EXOC6: variants seen among roughly 807,000 people sequenced by gnomAD.
EXOC6 encodes exocyst complex component 6, also known as SEC15-like 1.
Under a neutral mutation model 112.5 loss-of-function variants are expected in EXOC6, and 60 were observed. The ratio of observed to expected loss-of-function variants is 0.53; its 90% CI spans 0.43 to 0.66. The LOEUF (loss-of-function observed/expected upper bound fraction) is 0.66, where lower values mean the gene tolerates loss of function less well. EXOC6 is among the 30% of genes least tolerant of loss of function. The probability of loss-of-function intolerance (pLI) is 0.00; values close to 1 mark genes in which losing one functional copy is unlikely to be tolerated. For missense variants in EXOC6, 855 were observed against 957.1 expected (o/e 0.89, Z 1.41); for synonymous variants, 295 against 308.0 (o/e 0.96, Z 0.44).
chr10:92,903,418 A>G (rs1334141588), intron 5 of EXOC6, among the ~76,000 whole-genome samples: 1 of 151,250 alleles, frequency 6.6e-6, no homozygotes, highest in Non-Finnish European at 1.5e-5. Flanking sequence ...TAGAAAAATC[A>G]TGGGTTTAGA....
At chr10:92,835,099 A>G (rs569480290) in intron 1 of EXOC6, among the ~76,000 whole-genome samples, 12 of 152,344 alleles carry the variant, frequency 7.9e-5, no homozygotes, top group African/African-American at 2.4e-4. Context: ...AAATAAATTT[A>G]TATGAGGTTT....
At chr10:93,023,236 A>G (rs1844867686) in intron 20 of EXOC6, among the ~76,000 whole-genome samples, 1 of 152,104 alleles carries the variant, frequency 6.6e-6, no homozygotes, top group Admixed American at 6.6e-5. Context: ...AACTCCTGAT[A>G]TTTGCTGTTC....
chr10:93,031,596 T>C (rs892475364), intron 20 of EXOC6, among the ~76,000 whole-genome samples: 2 of 139,944 alleles, frequency 1.4e-5, no homozygotes, highest in African/African-American at 5.2e-5. Context: ...CACTGCAACC[T>C]CCGCCTCCCA....
At chr10:93,045,909 T>C (rs1037659288) in intron 20 of EXOC6, among the ~76,000 whole-genome samples, 1 of 152,232 alleles carries the variant, frequency 6.6e-6, no homozygotes, top group African/African-American at 2.4e-5. Context: ...TTTTAGTACG[T>C]CCTATGGCAC....
intron 17 of EXOC6, among the ~76,000 whole-genome samples, chr10:92,970,374 A>G (rs541102151): frequency 2.6e-5 from 4 of 152,360 alleles, no homozygotes; most frequent in Admixed American, 2.0e-4. Context: ...AGTAATCAAG[A>G]GATTGTTTAA....
intron 14 of EXOC6, among the ~76,000 whole-genome samples, chr10:92,948,648 C>G (rs1410302498): frequency 1.3e-5 from 2 of 150,428 alleles, no homozygotes; most frequent in Admixed American, 6.6e-5. Context: ...TAAGAAGAGA[C>G]TTTCCTGGGC....
chr10:92,902,946 C>T (rs1850255439), intron 5 of EXOC6, among the ~76,000 whole-genome samples: 1 of 151,952 alleles, frequency 6.6e-6, no homozygotes, highest in African/African-American at 2.4e-5. Context: ...CCATTAGTTG[C>T]TATTTGGGTG....
intron 20 of EXOC6, among the ~76,000 whole-genome samples, chr10:93,019,504 T>C (rs1220988943): frequency 6.6e-6 from 1 of 152,184 alleles, no homozygotes; most frequent in African/African-American, 2.4e-5. Flanking sequence ...AATCTAATTA[T>C]TTACATAAGT....
At chr10:93,042,942 TATTATTA>T (rs1845848414) in intron 20 of EXOC6, among the ~76,000 whole-genome samples, 1 of 143,862 alleles carries the variant, frequency 7.0e-6, no homozygotes, top group Admixed American at 7.2e-5. Flanking sequence ...TTATTATTAT[TATTATTA>T]TTATTATTAT....
At chr10:93,021,943 C>T (rs1442687116) in intron 20 of EXOC6, among the ~76,000 whole-genome samples, 7 of 152,048 alleles carry the variant, frequency 4.6e-5, no homozygotes, top group Admixed American at 2.6e-4. Context: ...GTGAGTAGGA[C>T]CACATAGTTT....
At chr10:92,880,486 T>C (rs1848904757) in intron 1 of EXOC6, among the ~76,000 whole-genome samples, 1 of 152,200 alleles carries the variant, frequency 6.6e-6, no homozygotes, top group Admixed American at 6.5e-5. Flanking sequence ...GAGCCTGTTC[T>C]TTTTATTAAG....
chr10:92,859,334 G>A (rs536228666), intron 1 of EXOC6, among the ~76,000 whole-genome samples: 17 of 152,224 alleles, frequency 1.1e-4, no homozygotes, highest in Non-Finnish European at 1.3e-4. Context: ...TGGCATATAC[G>A]CTGTCACCCT....
intron 1 of EXOC6, among the ~76,000 whole-genome samples, chr10:92,858,493 A>G (rs1291064438): frequency 6.6e-6 from 1 of 151,490 alleles, no homozygotes; most frequent in African/African-American, 2.4e-5. Context: ...TGTCTTGTAT[A>G]TTCACTGATT....
intron 20 of EXOC6, 149 bp from the exon 21 acceptor site, chr10:93,056,773 TAC>T: frequency 5.1e-6 from 3 of 589,420 alleles, no homozygotes; most frequent in Non-Finnish European, 9.0e-6. Flanking sequence ...GATTGTAAAG[TAC>T]AGTTAATGAA....
intron 17 of EXOC6, among the ~76,000 whole-genome samples, chr10:92,956,927 C>G (rs1012397057): frequency 1.1e-4 from 16 of 151,996 alleles, no homozygotes; most frequent in African/African-American, 3.9e-4. Context: ...AGATACTTAG[C>G]CCAGAGCCAT....
intron 14 of EXOC6, among the ~76,000 whole-genome samples, 194 bp downstream of exon 14, chr10:92,948,573 C>CACTACTACTACTACTACCACTACT (rs1853185884): frequency 7.1e-6 from 1 of 140,174 alleles, no homozygotes; most frequent in Admixed American, 7.4e-5. Context: ...CTACTACTAC[C>CACTACTACTACTACTACCACTACT]ACTACTACTA....
At chr10:93,023,215 C>T (rs971949911) in intron 20 of EXOC6, among the ~76,000 whole-genome samples, 1 of 151,956 alleles carries the variant, frequency 6.6e-6, no homozygotes, top group Non-Finnish European at 1.5e-5. Flanking sequence ...CCGGACTTTG[C>T]CCTGAGGTCA....
chr10:92,894,394 A>G (rs1849652214), intron 2 of EXOC6, among the ~76,000 whole-genome samples: 1 of 152,206 alleles, frequency 6.6e-6, no homozygotes, highest in Non-Finnish European at 1.5e-5. Context: ...TGCATTCAGC[A>G]AAGTATGAAT....
chr10:92,839,176 A>G (rs1369281121), intron 1 of EXOC6, among the ~76,000 whole-genome samples: 2 of 151,978 alleles, frequency 1.3e-5, no homozygotes, highest in African/African-American at 4.8e-5. Flanking sequence ...TGCCCTGGGC[A>G]TCATTGTTTT....
Sources: gnomAD v4.1 joint callset for allele counts (sites outside exome capture counted in the v4.1 genomes callset) on GRCh38, gnomAD v4.1.1 for gene constraint, MANE v1.5 for transcripts, NCBI Gene and HGNC (gene_info 2026-07-23, HGNC 2026-07-21) for gene names.